Variants in TPTE observed in about 807,000 individuals in gnomAD.
TPTE encodes putative tyrosine-protein phosphatase TPTE.
TPTE carries 59 observed loss-of-function variants against 84.1 expected under a neutral mutation model. That is an observed-to-expected ratio of 0.70 (90% CI 0.57 to 0.87). TPTE has a LOEUF of 0.87. TPTE is among the 40% of genes least tolerant of loss of function. The pLI is 0.00. For synonymous variants in TPTE, 130 were observed against 223.5 expected (o/e 0.58, Z 3.73); for missense variants, 382 against 659.6 (o/e 0.58, Z 4.61).
intron 14 of TPTE, among the ~76,000 whole-genome samples, chr21:10,570,974 C>T (rs2075030908): frequency 6.6e-6 from 1 of 152,306 alleles, no homozygotes; most frequent in Non-Finnish European, 1.5e-5. Flanking sequence ...CAAGGCCCAT[C>T]CCATCTGGCA....
chr21:10,539,366 C>G (rs1286942003), intron 4 of TPTE, among the ~76,000 whole-genome samples: 2 of 152,312 alleles, frequency 1.3e-5, no homozygotes, highest in African/African-American at 4.8e-5. Context: ...TGCAGCCGTT[C>G]CTTAGGCCCA....
At chr21:10,554,292 T>C (rs1222256789) in intron 8 of TPTE, among the ~76,000 whole-genome samples, 1 of 152,308 alleles carries the variant, frequency 6.6e-6, no homozygotes, top group Non-Finnish European at 1.5e-5. Context: ...CAAAAATGAA[T>C]ATATTTGAGG....
At chr21:10,545,699 C>T (rs2074453385) in intron 7 of TPTE, among the ~76,000 whole-genome samples, 1 of 152,026 alleles carries the variant, frequency 6.6e-6, no homozygotes, top group Non-Finnish European at 1.5e-5. Context: ...ACAGATATAT[C>T]TTTTAGCTAT....
chr21:10,534,177 A>G (rs2074228403), intron 3 of TPTE, among the ~76,000 whole-genome samples: 1 of 152,310 alleles, frequency 6.6e-6, no homozygotes, highest in Non-Finnish European at 1.5e-5. Flanking sequence ...AATTTCATTT[A>G]ATTAAACAAC....
At chr21:10,594,604 G>C in intron 19 of TPTE, among the ~76,000 whole-genome samples, 1 of 152,310 alleles carries the variant, frequency 6.6e-6, no homozygotes, top group Admixed American at 6.5e-5. Context: ...GGAGAATCTA[G>C]TGGCAGAAGC....
Position 10,598,044 on chromosome 21 carries a change from G to A in TPTE, c.1306G>A (p.Glu436Lys). Reference sequence around the variant, plus strand: ...TGTACGTGATCTAAAAATCCAAATAGAAATGGAGAAAAAGGTTGTCTTTTC... The same window carrying A: ...TGTACGTGATCTAAAAATCCAAATAAAAATGGAGAAAAAGGTTGTCTTTTC... ...RYVRDLKIQI[E>K]MEKKVVFSTI... The change falls in exon 21 of 24, where the codon GAA becomes AAA. Residue 436 changes from glutamate (E) to lysine (K), a missense_variant. Coordinates refer to ENST00000618007, the MANE Select transcript of TPTE (RefSeq NM_199261.4). The A allele has an allele frequency of 6.2e-7, 1 of 1,613,790 alleles. No individual in the cohort carries two copies. Among genetic ancestry groups the A allele is most frequent in the African/African-American group, 1.3e-5 (1 of 75,070 alleles).
intron 2 of TPTE, 141 bp from the exon 3 acceptor site, chr21:10,527,214 C>T (rs2074096867): frequency 6.5e-6 from 1 of 152,682 alleles, no homozygotes; most frequent in South Asian, 2.1e-4. Context: ...AGTGCTGTAT[C>T]CTGAAATTGT....
At chr21:10,565,750 A>G (rs1209813348) in intron 10 of TPTE, among the ~76,000 whole-genome samples, 2 of 152,312 alleles carry the variant, frequency 1.3e-5, no homozygotes, top group Non-Finnish European at 2.9e-5. Flanking sequence ...AAGAACGTAC[A>G]TTGAACAAAA....
At chr21:10,605,327 T>C in intron 23 of TPTE, 90 bp from the exon 24 acceptor site, 1 of 1,493,422 alleles carries the variant, frequency 6.7e-7, no homozygotes. Context: ...GGTTCTTTTT[T>C]TGTTTCTTCC....
At chr21:10,565,023 AG>A (rs2074891865) in intron 10 of TPTE, among the ~76,000 whole-genome samples, 1 of 152,308 alleles carries the variant, frequency 6.6e-6, no homozygotes, top group African/African-American at 2.4e-5. Context: ...AGAGAAAGAA[AG>A]GGAATAAAAA....
At chr21:10,589,394 T>C in intron 17 of TPTE, among the ~76,000 whole-genome samples, 1 of 152,294 alleles carries the variant, frequency 6.6e-6, no homozygotes, top group East Asian at 1.9e-4. Context: ...ACTTCATCCT[T>C]GTTTATTGGG....
At chr21:10,539,090 T>C (rs2074320342) in intron 4 of TPTE, among the ~76,000 whole-genome samples, 1 of 152,310 alleles carries the variant, frequency 6.6e-6, no homozygotes, top group South Asian at 2.1e-4. Context: ...GCTTCCTATG[T>C]TAGTGTATTT....
chr21:10,529,996 T>C (rs1382277668), intron 3 of TPTE, among the ~76,000 whole-genome samples: 4 of 151,966 alleles, frequency 2.6e-5, no homozygotes, highest in Non-Finnish European at 5.9e-5. Flanking sequence ...CCCCTATTTG[T>C]TCACTATTAC....
intron 17 of TPTE, among the ~76,000 whole-genome samples, chr21:10,582,450 A>C (rs965967796): frequency 1.3e-5 from 2 of 152,312 alleles, no homozygotes; most frequent in African/African-American, 2.4e-5. Flanking sequence ...TATTACATTC[A>C]ATTTTAAAAT....
chr21:10,536,386 T>G (rs2074265401), intron 3 of TPTE, among the ~76,000 whole-genome samples: 1 of 152,312 alleles, frequency 6.6e-6, no homozygotes, highest in Non-Finnish European at 1.5e-5. Context: ...AAAGTAAGTT[T>G]AGAATTACAT....
At chr21:10,552,883 A>C (rs570640231) in intron 8 of TPTE, among the ~76,000 whole-genome samples, 167 bp downstream of exon 8, 1 of 152,306 alleles carries the variant, frequency 6.6e-6, no homozygotes, top group Admixed American at 6.5e-5. Flanking sequence ...TTCTTAGACA[A>C]GTATTATTTT....
At chr21:10,587,945 T>C (rs1375923351) in intron 17 of TPTE, among the ~76,000 whole-genome samples, 1 of 152,306 alleles carries the variant, frequency 6.6e-6, no homozygotes, top group Non-Finnish European at 1.5e-5. Context: ...GCCTCCTGGG[T>C]TCAAGCGATT....
chr21:10,546,077 A>T (rs1422062178), intron 7 of TPTE, among the ~76,000 whole-genome samples: 1 of 152,308 alleles, frequency 6.6e-6, no homozygotes, highest in Non-Finnish European at 1.5e-5. Flanking sequence ...TTTTTTGTAA[A>T]CTGAAGGTTT....
At chr21:10,526,541 C>G (rs1024064499) in intron 2 of TPTE, among the ~76,000 whole-genome samples, 5 of 152,306 alleles carry the variant, frequency 3.3e-5, no homozygotes, top group Non-Finnish European at 7.3e-5. Context: ...TTGTTATCAG[C>G]AGCAAAAAAA....
Sources: allele counts gnomAD v4.1 joint callset (sites outside exome capture counted in the v4.1 genomes callset), GRCh38; gene constraint gnomAD v4.1.1; transcripts MANE v1.5; gene names NCBI Gene and HGNC (gene_info 2026-07-23, HGNC 2026-07-21).